EFHD1: variants seen among roughly 807,000 people sequenced by gnomAD.
EFHD1 encodes EF-hand domain family member D1.
Under a neutral mutation model 17.2 loss-of-function variants are expected in EFHD1, and 10 were observed. The observed-to-expected ratio is 0.58, with a 90% CI of 0.36 to 0.99. EFHD1 has a LOEUF of 0.99. Ranked by LOEUF, EFHD1 falls within the 50% of genes least tolerant of loss-of-function variation. The probability of loss-of-function intolerance (pLI) is 0.01; values close to 1 mark genes in which losing one functional copy is unlikely to be tolerated. For synonymous variants in EFHD1, 153 were observed against 142.0 expected, an observed-to-expected ratio of 1.08 and a Z score of -0.55; for missense variants, 310 against 327.5, an observed-to-expected ratio of 0.95 and a Z score of 0.41.
At chr2:232,653,487 C>T (rs950526156) in intron 1 of EFHD1, among the ~76,000 whole-genome samples, 1 of 151,684 alleles carries the variant, frequency 6.6e-6, no homozygotes, top group African/African-American at 2.4e-5. Context: ...GATGGGGATT[C>T]ACCACGTTGG....
chr2:232,625,654 A>G (rs1694093265), intron 1 of EFHD1, among the ~76,000 whole-genome samples: 2 of 152,196 alleles, frequency 1.3e-5, no homozygotes, highest in Non-Finnish European at 2.9e-5. Flanking sequence ...AGTAAAAGAA[A>G]TAAGGTAGAT....
chr2:232,635,915 T>G (rs1159123220), intron 1 of EFHD1, among the ~76,000 whole-genome samples: 1 of 152,024 alleles, frequency 6.6e-6, no homozygotes, highest in East Asian at 1.9e-4. Context: ...CTTTCTAGGT[T>G]GAGTTTTCTG....
intron 1 of EFHD1, chr2:232,611,860 T>C (rs892961900): frequency 6.6e-6 from 1 of 152,210 alleles, no homozygotes; most frequent in African/African-American, 2.4e-5. Flanking sequence ...CCCCGACTTG[T>C]GCAGGTTCCC....
At chr2:232,679,941 G>A (rs1233006076) in intron 3 of EFHD1, among the ~76,000 whole-genome samples, 1 of 152,098 alleles carries the variant, frequency 6.6e-6, no homozygotes, top group South Asian at 2.1e-4. Flanking sequence ...GTAAATCGGA[G>A]CAGCTACTTT....
At chr2:232,654,367 C>T (rs1694716265) in intron 1 of EFHD1, among the ~76,000 whole-genome samples, 1 of 151,008 alleles carries the variant, frequency 6.6e-6, no homozygotes, top group Admixed American at 6.6e-5. Flanking sequence ...CTAGACTCCT[C>T]TCAGTTCGAA....
intron 1 of EFHD1, among the ~76,000 whole-genome samples, chr2:232,661,254 C>T (rs146927778): frequency 2.1e-4 from 32 of 152,218 alleles, no homozygotes; most frequent in African/African-American, 5.8e-4. Flanking sequence ...CACCATCCAT[C>T]GCCAGAACCT....
rs200118999 is a variant in EFHD1, at chr2:232,633,721, T to G, written c.17T>G (p.Leu6Arg). The G allele has an allele frequency of 0.015, 21,814 of 1,465,304 alleles. 206 individuals carry two copies. Among genetic ancestry groups the G allele is most frequent in the Non-Finnish European group, 0.017 (19,405 of 1,116,938 alleles). The allele number at this position is 1,465,304 out of a possible 1,614,324, so 90.8% of individuals were successfully genotyped here. Residue 6 changes from leucine to arginine, a missense_variant, in exon 1 of 4, where the codon CTG becomes CGG. Physicochemically the swap from Leu to Arg is moderately radical, Grantham distance 102. Transcript: ENST00000264059. ...TCCGCCGCCATGGCCAGTGAGGAGCTGGCGTGCAAGCTGGAGCGCCGGCTG... is the reference window on the plus strand; with the variant it reads ...TCCGCCGCCATGGCCAGTGAGGAGCGGGCGTGCAAGCTGGAGCGCCGGCTG... The part of the protein sequence containing the change: MASEE[L>R]ACKLERRLRR...
intron 1 of EFHD1, among the ~76,000 whole-genome samples, chr2:232,616,653 G>A (rs1307644702): frequency 6.6e-6 from 1 of 152,184 alleles, no homozygotes; most frequent in Non-Finnish European, 1.5e-5. Context: ...AGAGACAGAA[G>A]TAGAATGGTG....
At chr2:232,652,285 A>C (rs1435938116) in intron 1 of EFHD1, among the ~76,000 whole-genome samples, 2 of 152,138 alleles carry the variant, frequency 1.3e-5, no homozygotes, top group Non-Finnish European at 2.9e-5. Flanking sequence ...GACTCCTATC[A>C]TTTCTGTCTA....
intron 1 of EFHD1, among the ~76,000 whole-genome samples, chr2:232,643,999 T>C (rs1001767690): frequency 6.6e-6 from 1 of 152,156 alleles, no homozygotes; most frequent in Admixed American, 6.5e-5. Flanking sequence ...TTCCCTGTGA[T>C]TTTTCTCTTG....
chr2:232,656,888 C>A (rs1230177593), intron 1 of EFHD1, among the ~76,000 whole-genome samples: 1 of 152,200 alleles, frequency 6.6e-6, no homozygotes, highest in Admixed American at 6.5e-5. Flanking sequence ...AAGTGATCCT[C>A]CCCCTTCAGC....
chr2:232,681,680 G>A lies in EFHD1; in HGVS notation c.681G>A (p.Gln227=). The change falls in exon 4 of 4, where the codon CAG becomes CAA. Residue 227 remains glutamine (Q), a synonymous_variant. Transcript: ENST00000264059. ...AGGAGGAGGAGAGGCGGCTCCGCCAGGCAGCCTTCCAGAAACTCAAGGCCA... is the reference window on the plus strand; with the variant it reads ...AGGAGGAGGAGAGGCGGCTCCGCCAAGCAGCCTTCCAGAAACTCAAGGCCA... ...KREEEERRLR[Q]AAFQKLKANF... 2 of 1,614,252 alleles carry A rather than the reference G, an allele frequency of 1.2e-6. No individual in the cohort carries two copies. Among genetic ancestry groups the A allele is most frequent in the Non-Finnish European group, 1.7e-6 (2 of 1,180,046 alleles).
intron 3 of EFHD1, among the ~76,000 whole-genome samples, chr2:232,677,789 A>C (rs1308540964): frequency 2.0e-5 from 3 of 152,136 alleles, no homozygotes; most frequent in Non-Finnish European, 4.4e-5. Flanking sequence ...AATGTTGGGA[A>C]ATGTAAGGAT....
chr2:232,667,930 C>T (rs1056439502), intron 2 of EFHD1, among the ~76,000 whole-genome samples: 4 of 152,222 alleles, frequency 2.6e-5, no homozygotes, highest in Non-Finnish European at 5.9e-5. Context: ...CACTTGCAAC[C>T]TAAGAGTTCT....
intron 1 of EFHD1, among the ~76,000 whole-genome samples, chr2:232,660,328 G>A (rs1694838614): frequency 6.6e-6 from 1 of 151,944 alleles, no homozygotes; most frequent in African/African-American, 2.4e-5. Flanking sequence ...CCAAGTAGCT[G>A]GGACTACAGG....
At position 232,633,681 on chromosome 2, in the gene EFHD1, TCCCGCGTC is replaced by T. The variant is rs1694248724; in HGVS notation, c.-22_-15del. The T allele has an allele frequency of 1.4e-6, 2 of 1,410,168 alleles. No homozygotes were observed. The highest frequency in any genetic ancestry group is 3.0e-5 in the African/African-American group (2 of 66,254). 87.4% of individuals were successfully genotyped at this position (1,410,168 alleles called of 1,614,324 possible). A position where few individuals can be genotyped will look rare whatever the true frequency, so the allele number is the denominator to read the frequency against. ...TGCGTCCCGTCCCGCGTCCCCGCGT[TCCCGCGTC>T]CTGCGATCCGCCGCCATGGCCAGTG... On this transcript the variant is annotated 5_prime_UTR_variant, in exon 1 of 4. Transcript: ENST00000264059.
intron 3 of EFHD1, among the ~76,000 whole-genome samples, chr2:232,677,264 A>ACACACACACACACACACACAC (rs1559358074): frequency 1.9e-5 from 1 of 53,008 alleles, no homozygotes; most frequent in East Asian, 8.1e-4. Flanking sequence ...ATCTTTCTAT[A>ACACACACACACACACACACAC]ACACACACAT....
upstream of EFHD1, among the ~76,000 whole-genome samples, chr2:232,631,703 A>AAAC (rs755931736): frequency 1.4e-5 from 2 of 139,364 alleles, no homozygotes; most frequent in Non-Finnish European, 3.0e-5. Context: ...AAAAAAAAAA[A>AAAC]AAACAAAAAC....
chr2:232,612,133 C>T (rs563759732), intron 1 of EFHD1, among the ~76,000 whole-genome samples: 5 of 152,288 alleles, frequency 3.3e-5, no homozygotes, highest in African/African-American at 7.2e-5. Flanking sequence ...ACTACAGGCA[C>T]CTGCCACTGT....
Sources: allele counts gnomAD v4.1 joint callset (sites outside exome capture counted in the v4.1 genomes callset), GRCh38; gene constraint gnomAD v4.1.1; transcripts MANE v1.5; gene names NCBI Gene and HGNC (gene_info 2026-07-23, HGNC 2026-07-21).